Variants in GAPVD1 observed in about 807,000 individuals in gnomAD.
The protein encoded by GAPVD1 is GTPase-activating protein and VPS9 domain-containing protein 1.
A neutral mutation model predicts 155.5 loss-of-function variants in GAPVD1; 35 were observed. That is an observed-to-expected ratio of 0.23 (90% CI 0.17 to 0.30). The LOEUF (loss-of-function observed/expected upper bound fraction) is 0.30, where lower values mean the gene tolerates loss of function less well. Ranked by LOEUF, GAPVD1 falls within the 10% of genes least tolerant of loss-of-function variation. GAPVD1 has a pLI of 1.00. For missense variants in GAPVD1, 1,429 were observed against 1,775.7 expected (o/e 0.80, Z 3.51); for synonymous variants, 636 against 619.7 (o/e 1.03, Z -0.39).
intron 4 of GAPVD1, 35 bp from the exon 5 acceptor site, chr9:125,301,948 T>C (rs1840955697): frequency 6.9e-7 from 1 of 1,451,224 alleles, no homozygotes; most frequent in East Asian, 2.3e-5. Flanking sequence ...AATACTATTA[T>C]TTTGCTTGTT....
intron 9 of GAPVD1, among the ~76,000 whole-genome samples, chr9:125,320,342 A>G (rs866273943): frequency 1.3e-5 from 2 of 152,144 alleles, no homozygotes; most frequent in African/African-American, 4.8e-5. Flanking sequence ...AGATGTAGTT[A>G]TGTTATTTGG....
intron 1 of GAPVD1, chr9:125,263,914 C>T (rs750344857): frequency 1.2e-5 from 17 of 1,445,610 alleles, no homozygotes; most frequent in Non-Finnish European, 1.6e-5. Flanking sequence ...AGAAATGTCT[C>T]CAGGCAAACT....
chr9:125,332,114 C>CGTA, intron 14 of GAPVD1, 54 bp downstream of exon 14: 6 of 1,512,340 alleles, frequency 4.0e-6, no homozygotes, highest in Non-Finnish European at 5.5e-6. Context: ...ACCCCCTACC[C>CGTA]CCTCCTATTT....
At chr9:125,282,036 T>C (rs1156965640) in intron 2 of GAPVD1, among the ~76,000 whole-genome samples, 3 of 151,872 alleles carry the variant, frequency 2.0e-5, no homozygotes, top group African/African-American at 7.2e-5. Context: ...ATCCCAACAC[T>C]TTGGAACGCC....
At position 125,293,873 on chromosome 9, in the gene GAPVD1, TATATATATA is replaced by T. The variant is rs1564311735; in HGVS notation, c.-149-1584_-149-1576del. 2.0e-3 allele frequency among the ~76,000 whole-genome samples: 29 copies of T among 14,316 alleles called. 4 individuals are homozygous for T. The East Asian group carries it at 0.041, about 20-fold the overall frequency. 9.4% of individuals were successfully genotyped at this position (14,316 alleles called of 152,430 possible). On this transcript the variant is annotated intron_variant, in intron 2 of 27. Coordinates refer to ENST00000297933, the MANE Select transcript of GAPVD1 (RefSeq NM_001282680.3). The stretch of plus-strand genomic sequence containing the variant: ...TATTTTATATATATATATATATATA[TATATATATA>T]TATATATATATATATATATATAAGT...
chr9:125,359,094 C>T (rs779623362), intron 25 of GAPVD1, among the ~76,000 whole-genome samples: 1 of 151,952 alleles, frequency 6.6e-6, no homozygotes, highest in Non-Finnish European at 1.5e-5. Flanking sequence ...CACTTTTTCC[C>T]CCCCTCTCCT....
chr9:125,346,649 A>G (rs138427983), intron 19 of GAPVD1, 170 bp from the exon 20 acceptor site: 7 of 668,556 alleles, frequency 1.0e-5, no homozygotes, highest in Middle Eastern at 2.4e-4. Flanking sequence ...TCTCAGACCT[A>G]GAAATGGGAT....
chr9:125,335,250 C>G, intron 15 of GAPVD1: 1 of 755,214 alleles, frequency 1.3e-6, no homozygotes, highest in Non-Finnish European at 2.5e-6. Flanking sequence ...CAGCTGTCTT[C>G]TAGTAAGCTG....
chr9:125,338,326 G>A (rs1005649124), intron 17 of GAPVD1, among the ~76,000 whole-genome samples: 3 of 152,192 alleles, frequency 2.0e-5, no homozygotes, highest in Non-Finnish European at 4.4e-5. Context: ...CAAACAAGCA[G>A]ATTCTCCTAC....
chr9:125,301,874 A>G, intron 4 of GAPVD1, 109 bp from the exon 5 acceptor site: 3 of 894,908 alleles, frequency 3.4e-6, no homozygotes, highest in Middle Eastern at 3.5e-4. Flanking sequence ...GAGTGACCTC[A>G]TTGTTGGGAC....
Position 125,302,095 on chromosome 9 carries a change from T to G in GAPVD1, c.298T>G (p.Leu100Val). 1 of 1,613,962 alleles carries G rather than the reference T, an allele frequency of 6.2e-7. No individual in the cohort carries two copies. The highest frequency in any genetic ancestry group is 8.5e-7 in the Non-Finnish European group (1 of 1,179,934). The change falls in exon 5 of 28, where the codon TTG (leucine) becomes GTG (valine). Residue 100 changes from leucine to valine, a missense_variant. Coordinates refer to ENST00000297933, the MANE Select transcript of GAPVD1 (RefSeq NM_001282680.3). ...TCAGGAGACTGCTTATGGAGAATTC[T>G]TGAGTCGATTGAGGGAAAATCCTCG... Reference protein sequence around the residue: ...GFQETAYGEFLSRLRENPRLI... With the variant: ...GFQETAYGEFVSRLRENPRLI...
chr9:125,359,389 T>C (rs1850601996), intron 25 of GAPVD1, 31 bp from the exon 26 acceptor site: 1 of 1,237,840 alleles, frequency 8.1e-7, no homozygotes, highest in Admixed American at 1.7e-5. Context: ...CTGAAATGAA[T>C]GTTTACATGT....
intron 8 of GAPVD1, among the ~76,000 whole-genome samples, chr9:125,310,909 G>A (rs996127210): frequency 1.3e-5 from 2 of 150,710 alleles, no homozygotes; most frequent in African/African-American, 4.9e-5. Context: ...CTGCGATCTC[G>A]GCTCACTGCA....
intron 13 of GAPVD1, among the ~76,000 whole-genome samples, chr9:125,331,078 C>T (rs879706890): frequency 5.9e-5 from 9 of 151,794 alleles, no homozygotes; most frequent in South Asian, 2.1e-4. Context: ...ATTATGAAGA[C>T]GCATCTTTGC....
intron 19 of GAPVD1, among the ~76,000 whole-genome samples, chr9:125,345,055 C>T (rs936173189): frequency 1.3e-5 from 2 of 152,138 alleles, no homozygotes; most frequent in African/African-American, 4.8e-5. Flanking sequence ...TACCCTAATC[C>T]GTGCATACTG....
chr9:125,359,735 G>C, intron 26 of GAPVD1: 1 of 463,634 alleles, frequency 2.2e-6, no homozygotes, highest in Admixed American at 3.8e-5. Flanking sequence ...TCTCAAGTCA[G>C]CCCTGCTCTC....
intron 2 of GAPVD1, among the ~76,000 whole-genome samples, chr9:125,280,423 A>G (rs920825372): frequency 1.3e-5 from 2 of 150,116 alleles, no homozygotes; most frequent in African/African-American, 4.9e-5. Context: ...AAAAAAAAGA[A>G]TAAATGAGAC....
At chr9:125,298,011 G>T (rs948258642) in intron 3 of GAPVD1, among the ~76,000 whole-genome samples, 1 of 152,164 alleles carries the variant, frequency 6.6e-6, no homozygotes, top group Non-Finnish European at 1.5e-5. Flanking sequence ...CTCCCAAAGT[G>T]CTGGGATTAC....
At chr9:125,265,010 C>T (rs558438299) in intron 1 of GAPVD1, among the ~76,000 whole-genome samples, 2 of 152,282 alleles carry the variant, frequency 1.3e-5, no homozygotes, top group South Asian at 2.1e-4. Flanking sequence ...TGAGCCACCG[C>T]GCCTGGCCAT....
Sources: gnomAD v4.1 joint callset for allele counts (sites outside exome capture counted in the v4.1 genomes callset) on GRCh38, gnomAD v4.1.1 for gene constraint, MANE v1.5 for transcripts, NCBI Gene and HGNC (gene_info 2026-07-23, HGNC 2026-07-21) for gene names.